Variants in APBB2 observed in about 807,000 individuals in gnomAD.
APBB2 encodes amyloid beta precursor protein binding family B member 2, also known as Fe65-like 1.
APBB2 carries 38 observed loss-of-function variants against 82.5 expected under a neutral mutation model. The observed-to-expected ratio is 0.46, with a 90% CI of 0.36 to 0.60. The LOEUF (loss-of-function observed/expected upper bound fraction) is 0.60. APBB2 is among the 20% of genes least tolerant of loss of function. APBB2 has a pLI of 0.00. For synonymous variants in APBB2, 341 were observed against 368.2 expected, an observed-to-expected ratio of 0.93 and a Z score of 0.85; for missense variants, 772 against 972.3, an observed-to-expected ratio of 0.79 and a Z score of 2.74.
At chr4:40,902,846 A>C (rs1488236733) in intron 10 of APBB2, among the ~76,000 whole-genome samples, 1 of 152,198 alleles carries the variant, frequency 6.6e-6, no homozygotes, top group African/African-American at 2.4e-5. Context: ...CCCAGTTTTT[A>C]ATACAAGAAA....
intron 1 of APBB2, among the ~76,000 whole-genome samples, chr4:41,200,883 T>C (rs1250430687): frequency 6.6e-6 from 1 of 152,224 alleles, no homozygotes; most frequent in East Asian, 1.9e-4. Context: ...CATGTGTGTA[T>C]CTGTGCATGT....
chr4:41,052,234 TAC>T (rs1485630545), intron 4 of APBB2, among the ~76,000 whole-genome samples: 27 of 151,740 alleles, frequency 1.8e-4, no homozygotes, highest in African/African-American at 5.8e-4. Flanking sequence ...CATACATACA[TAC>T]ATACATACCA....
chr4:41,107,893 A>G (rs1465670502), intron 2 of APBB2, among the ~76,000 whole-genome samples: 2 of 152,208 alleles, frequency 1.3e-5, no homozygotes, highest in African/African-American at 2.4e-5. Flanking sequence ...ACAAAATTCA[A>G]TGAATGACTG....
intron 3 of APBB2, among the ~76,000 whole-genome samples, chr4:41,074,548 G>A (rs539817483): frequency 1.3e-5 from 2 of 152,004 alleles, no homozygotes; most frequent in African/African-American, 4.8e-5. Context: ...CAAAGAACAT[G>A]AGGCGTCTGA....
intron 17 of APBB2, among the ~76,000 whole-genome samples, chr4:40,818,289 G>C (rs1024510257): frequency 6.6e-6 from 1 of 152,144 alleles, no homozygotes; most frequent in African/African-American, 2.4e-5. Flanking sequence ...CCTTATACTA[G>C]ATTGGCTGAG....
chr4:41,043,009 C>G (rs113041886), intron 4 of APBB2, among the ~76,000 whole-genome samples: 1 of 152,066 alleles, frequency 6.6e-6, no homozygotes, highest in African/African-American at 2.4e-5. Flanking sequence ...GAGGATCCTG[C>G]GGGGGGAATC....
chr4:41,128,214 GAT>G (rs1754947811), intron 2 of APBB2, among the ~76,000 whole-genome samples: 1 of 152,290 alleles, frequency 6.6e-6, no homozygotes, highest in East Asian at 1.9e-4. Flanking sequence ...AAACCACAAT[GAT>G]ATACTGTCTT....
rs138804253 is a variant in APBB2 at position 40,895,897 on chromosome 4, A to C, written c.1255-2486T>G. Among the ~76,000 whole-genome samples the C allele has an allele frequency of 3.1e-4, 47 of 152,308 alleles. No homozygotes were observed. The East Asian group carries it at 8.3e-3, about 27-fold the overall frequency. ...TATACATGAGGAAACTGGGTTCAGC[A>C]CAAAGCTGGTGAGTGGTAGATCCAG... On this transcript the variant is annotated intron_variant, in intron 10 of 17. Transcript: ENST00000508593.
At chr4:40,960,594 C>G (rs1374721597) in intron 6 of APBB2, among the ~76,000 whole-genome samples, 1 of 151,488 alleles carries the variant, frequency 6.6e-6, no homozygotes. Context: ...ACTACAGGCA[C>G]CCGCCACCAT....
Position 41,080,754 on chromosome 4 carries a change from G to A in APBB2, c.-148-15081C>T, listed in dbSNP as rs181042649. On this transcript the variant is annotated intron_variant, in intron 3 of 17. Transcript: ENST00000508593. Reference sequence around the variant, plus strand: ...TTTCACTCTTGTTGCCCAGGCTGGAGTGCAGTGGCATGATCTCTCCTCACC... The same window carrying A: ...TTTCACTCTTGTTGCCCAGGCTGGAATGCAGTGGCATGATCTCTCCTCACC... 1.2e-3 allele frequency among the ~76,000 whole-genome samples: 181 copies of A among 147,926 alleles called. 1 individual carries two copies. Among genetic ancestry groups the A allele is most frequent in the African/African-American group, 4.4e-3 (175 of 40,026 alleles).
At chr4:40,928,329 G>C (rs1308614399) in intron 10 of APBB2, among the ~76,000 whole-genome samples, 4 of 151,534 alleles carry the variant, frequency 2.6e-5, no homozygotes, top group African/African-American at 9.7e-5. Context: ...GATCGCCTGA[G>C]GTCAGGAGTT....
chr4:40,961,667 TAAAAAAAAAAAAAAAA>T (rs60942744), intron 6 of APBB2, among the ~76,000 whole-genome samples: 8,368 of 68,952 alleles, frequency 0.12, 365 homozygotes, highest in Middle Eastern at 0.27. Flanking sequence ...AAAAAAGATG[TAAAAAAAAAAAAAAAA>T]AAAAAAAAAA....
At chr4:41,118,651 GT>G (rs369811474) in intron 2 of APBB2, among the ~76,000 whole-genome samples, 5 of 152,180 alleles carry the variant, frequency 3.3e-5, no homozygotes, top group African/African-American at 1.2e-4. Flanking sequence ...ATATAGGAAG[GT>G]TTTTATATGT....
At chr4:40,858,244 G>A (rs575954828) in intron 12 of APBB2, among the ~76,000 whole-genome samples, 23 of 152,070 alleles carry the variant, frequency 1.5e-4, no homozygotes, top group Non-Finnish European at 2.9e-4. Flanking sequence ...AAAATCCAAG[G>A]TCTCTCACTG....
intron 2 of APBB2, among the ~76,000 whole-genome samples, chr4:41,125,853 C>T (rs1346072326): frequency 6.6e-6 from 1 of 152,162 alleles, no homozygotes; most frequent in Non-Finnish European, 1.5e-5. Flanking sequence ...GCTTGAAACC[C>T]TGGCATCCCA....
rs535864470 is a variant in APBB2 at position 40,812,243 on chromosome 4, C to T, written c.*3849G>A. The T allele has an allele frequency of 5.3e-5, 8 of 152,240 alleles. No individual in the cohort carries two copies. Among genetic ancestry groups the T allele is most frequent in the East Asian group, 3.9e-4 (2 of 5,190 alleles). 9.4% of individuals were successfully genotyped at this position (152,240 alleles called of 1,614,324 possible). A position where few individuals can be genotyped will look rare whatever the true frequency, so the allele number is the denominator to read the frequency against. On this transcript the variant is annotated 3_prime_UTR_variant, in exon 18 of 18. Coordinates refer to ENST00000508593, the MANE Select transcript of APBB2 (RefSeq NM_004307.2). ...ATAATTTAAAAATAACTAGAGACAC[C>T]GAGTTTCTATTTCTATTCCTTGTAT... is the stretch of plus-strand genomic sequence containing the variant.
chr4:41,075,467 G>C (rs1441722033), intron 3 of APBB2, among the ~76,000 whole-genome samples: 9 of 152,120 alleles, frequency 5.9e-5, no homozygotes, highest in Non-Finnish European at 1.0e-4. Context: ...AGATACTCTG[G>C]GTGATTTGAG....
intron 12 of APBB2, among the ~76,000 whole-genome samples, chr4:40,865,589 GCA>G (rs1763858812): frequency 1.3e-5 from 2 of 152,136 alleles, no homozygotes; most frequent in Non-Finnish European, 1.5e-5. Context: ...CCTTCACTTA[GCA>G]TAATTGTTGA....
chr4:40,850,018 CCTG>C (rs1214255464), intron 12 of APBB2, among the ~76,000 whole-genome samples: 1 of 152,176 alleles, frequency 6.6e-6, no homozygotes, highest in African/African-American at 2.4e-5. Flanking sequence ...GCCACCGTGC[CCTG>C]CTACTCAGGT....
Sources: gnomAD v4.1 joint callset for allele counts (sites outside exome capture counted in the v4.1 genomes callset) on GRCh38, gnomAD v4.1.1 for gene constraint, MANE v1.5 for transcripts, NCBI Gene and HGNC (gene_info 2026-07-23, HGNC 2026-07-21) for gene names.